MYRIP: variants seen among roughly 807,000 people sequenced by gnomAD.
The protein encoded by MYRIP is myosin VIIA and Rab interacting protein.
Under a neutral mutation model 98.0 loss-of-function variants are expected in MYRIP, and 49 were observed. That is an observed-to-expected ratio of 0.50 (90% CI 0.40 to 0.63). The LOEUF is 0.63. MYRIP is among the 30% of genes least tolerant of loss of function. MYRIP has a pLI of 0.00. For missense variants in MYRIP, 1,004 were observed against 1,058.2 expected (o/e 0.95, Z 0.71); for synonymous variants, 404 against 409.5 (o/e 0.99, Z 0.16).
At chr3:39,890,238 T>G (rs1943449398) in intron 1 of MYRIP, among the ~76,000 whole-genome samples, 1 of 152,080 alleles carries the variant, frequency 6.6e-6, no homozygotes, top group African/African-American at 2.4e-5. Flanking sequence ...CCACTATGTT[T>G]CTTACTTTGT....
intron 2 of MYRIP, among the ~76,000 whole-genome samples, chr3:39,978,149 C>G (rs7612353): frequency 0.27 from 41,786 of 152,078 alleles, 6,412 homozygotes; most frequent in Non-Finnish European, 0.35. Flanking sequence ...CTGATGAGGG[C>G]TAGTCTTAAC....
intron 3 of MYRIP, among the ~76,000 whole-genome samples, chr3:40,061,236 C>G (rs1316803061): frequency 3.3e-5 from 5 of 152,178 alleles, no homozygotes. Flanking sequence ...CCTTCTCCTA[C>G]CCTCCACCCT....
chr3:40,233,988 G>C lies in MYRIP; in HGVS notation c.2035G>C (p.Gly679Arg). The C allele has an allele frequency of 6.2e-7, 1 of 1,613,402 alleles. No homozygotes were observed. The highest frequency in any genetic ancestry group is 1.7e-5 in the Admixed American group (1 of 59,848). The change falls in exon 12 of 17, where the codon GGG (glycine) becomes CGG (arginine). Residue 679 changes from glycine to arginine, a missense_variant. Gly to Arg is a moderately radical substitution (Grantham distance 125). Around this residue, in one of 3 missense-constraint regions of MYRIP, gnomAD observed 880 missense variants for 907.7 expected, o/e 0.97. Transcript: ENST00000302541. ...SPQVPPDRQKGMFPRGTDQVR... is the reference protein window; with the variant it reads ...SPQVPPDRQKRMFPRGTDQVR... ...ACAAGTCCCTCCTGACAGACAGAAG[G>C]GGATGTTTCCTCGTGGGACAGACCA...
At chr3:40,017,224 A>G (rs886435306) in intron 2 of MYRIP, among the ~76,000 whole-genome samples, 3 of 152,268 alleles carry the variant, frequency 2.0e-5, no homozygotes, top group Non-Finnish European at 4.4e-5. Flanking sequence ...AAACATTACT[A>G]ATCAAACAAG....
rs1168950583 is a variant in MYRIP, at chr3:40,244,470, T to C, written c.2125T>C (p.Tyr709His). 6.2e-7 allele frequency: 1 copy of C among 1,613,776 alleles called. No homozygotes were observed. The highest frequency in any genetic ancestry group is 8.5e-7 in the Non-Finnish European group (1 of 1,179,816). ...GGTATACCTGGCAGCAGGCACTGTG[T>C]ATGGACTGGAGACCCAGCTGACTGA... is the stretch of plus-strand genomic sequence containing the variant. Reference protein sequence around the residue: ...ENVYLAAGTVYGLETQLTELE... With the variant: ...ENVYLAAGTVHGLETQLTELE... Residue 709 changes from tyrosine to histidine, a missense_variant, in exon 13 of 17, where the codon TAT (tyrosine) becomes CAT (histidine). Physicochemically the swap from Tyr to His is moderately conservative, Grantham distance 83. This residue lies in a region of MYRIP where 880 missense variants were observed against 907.7 expected (regional missense o/e 0.97). Transcript: ENST00000302541.
chr3:40,019,511 G>T (rs1289643633), intron 2 of MYRIP, among the ~76,000 whole-genome samples: 1 of 152,082 alleles, frequency 6.6e-6, no homozygotes, highest in Non-Finnish European at 1.5e-5. Context: ...CATGCCTATT[G>T]ACATGCCTGT....
At chr3:40,184,209 TTC>T (rs924888168) in intron 9 of MYRIP, among the ~76,000 whole-genome samples, 5 of 152,214 alleles carry the variant, frequency 3.3e-5, no homozygotes, top group Admixed American at 3.3e-4. Flanking sequence ...ATTTTCTCAC[TTC>T]TCTCTCTTTC....
chr3:39,823,186 A>G (rs1941162348), intron 1 of MYRIP, among the ~76,000 whole-genome samples: 1 of 151,672 alleles, frequency 6.6e-6, no homozygotes, highest in African/African-American at 2.4e-5. Flanking sequence ...CGCCCAGCAA[A>G]TTTTTGTATT....
intron 12 of MYRIP, 98 bp downstream of exon 12, chr3:40,234,151 T>TACACAC: frequency 8.5e-7 from 1 of 1,173,580 alleles, no homozygotes; most frequent in Non-Finnish European, 1.2e-6. Flanking sequence ...GACACACACA[T>TACACAC]ACACACACAC....
chr3:39,995,527 G>A (rs1200803303), intron 2 of MYRIP, among the ~76,000 whole-genome samples: 1 of 152,190 alleles, frequency 6.6e-6, no homozygotes, highest in East Asian at 1.9e-4. Flanking sequence ...CAAGAAATAT[G>A]GGACTATGTG....
chr3:40,188,477 A>AT (rs1223641446), intron 9 of MYRIP, among the ~76,000 whole-genome samples: 1 of 111,848 alleles, frequency 8.9e-6, no homozygotes, highest in African/African-American at 3.6e-5. Context: ...CCTGGTTAAA[A>AT]GGAAAAAAAA....
intron 2 of MYRIP, among the ~76,000 whole-genome samples, chr3:39,985,214 C>T (rs1946002628): frequency 6.7e-6 from 1 of 149,332 alleles, no homozygotes; most frequent in Non-Finnish European, 1.5e-5. Context: ...ACAATTGCTT[C>T]AAAGAGAATA....
chr3:40,166,209 C>T (rs1950495905), intron 5 of MYRIP, among the ~76,000 whole-genome samples: 1 of 152,160 alleles, frequency 6.6e-6, no homozygotes, highest in Non-Finnish European at 1.5e-5. Flanking sequence ...GTCCTTAGTA[C>T]ATTTAATAAC....
intron 1 of MYRIP, among the ~76,000 whole-genome samples, chr3:39,877,075 G>A (rs991912049): frequency 1.6e-4 from 24 of 151,816 alleles, no homozygotes; most frequent in East Asian, 1.2e-3. Context: ...TTCCCTTCTC[G>A]CTTCATTTCA....
chr3:40,231,738 TA>T (rs1387015461), intron 11 of MYRIP, among the ~76,000 whole-genome samples: 1 of 152,230 alleles, frequency 6.6e-6, no homozygotes, highest in Admixed American at 6.5e-5. Context: ...TGTAAATTTT[TA>T]CTTTCCCTTC....
At chr3:39,902,389 G>C (rs1943763198) in intron 2 of MYRIP, among the ~76,000 whole-genome samples, 1 of 152,226 alleles carries the variant, frequency 6.6e-6, no homozygotes, top group African/African-American at 2.4e-5. Context: ...CTTGAAGTTT[G>C]TGGTCACTAT....
At chr3:40,175,537 G>A (rs1950734740) in intron 8 of MYRIP, among the ~76,000 whole-genome samples, 1 of 152,176 alleles carries the variant, frequency 6.6e-6, no homozygotes, top group South Asian at 2.1e-4. Context: ...CCCATTGGGT[G>A]TGGTTCCCCA....
rs117231055 is a variant in MYRIP, at chr3:40,064,177, A to T, written c.332+19906A>T. Among the ~76,000 whole-genome samples, 5 of 152,164 alleles carry T rather than the reference A, an allele frequency of 3.3e-5. No individual in the cohort carries two copies. The East Asian group carries it at 9.7e-4, about 30-fold the overall frequency. ...CCACCTTATTATATGTAGTCCCGTC[A>T]GGTGGACAGTACCCCCCTTTTACAG... On this transcript the variant is annotated intron_variant, in intron 3 of 16. Coordinates refer to ENST00000302541, the MANE Select transcript of MYRIP (RefSeq NM_015460.4).
At chr3:40,019,239 C>T (rs1194353874) in intron 2 of MYRIP, among the ~76,000 whole-genome samples, 1 of 152,106 alleles carries the variant, frequency 6.6e-6, no homozygotes, top group African/African-American at 2.4e-5. Context: ...CCCTTAGGAC[C>T]AACCACAAAC....
Sources: gnomAD v4.1 joint callset for allele counts (sites outside exome capture counted in the v4.1 genomes callset) on GRCh38, gnomAD v4.1.1 for gene constraint, gnomAD v4.1.1 regional missense constraint, MANE v1.5 for transcripts, NCBI Gene and HGNC (gene_info 2026-07-23, HGNC 2026-07-21) for gene names.